SGMS1: variants seen among roughly 807,000 people sequenced by gnomAD.
The protein encoded by SGMS1 is sphingomyelin synthase 1.
SGMS1 carries 13 observed loss-of-function variants against 46.2 expected under a neutral mutation model. The ratio of observed to expected loss-of-function variants is 0.28; its 90% CI spans 0.18 to 0.45. SGMS1 has a LOEUF of 0.45. Ranked by LOEUF, SGMS1 falls within the 20% of genes least tolerant of loss-of-function variation. The probability of loss-of-function intolerance (pLI) is 1.00; values close to 1 mark genes in which losing one functional copy is unlikely to be tolerated. For missense variants in SGMS1, 324 were observed against 519.9 expected, an observed-to-expected ratio of 0.62 and a Z score of 3.66; for synonymous variants, 203 against 187.8, an observed-to-expected ratio of 1.08 and a Z score of -0.66.
chr10:50,572,536 G>A (rs755305638), intron 2 of SGMS1, among the ~76,000 whole-genome samples: 1 of 152,096 alleles, frequency 6.6e-6, no homozygotes, highest in Non-Finnish European at 1.5e-5. Context: ...AGAGAGAGAG[G>A]AGAGGGGTGA....
chr10:50,424,742 A>G (rs1588812706), intron 6 of SGMS1, among the ~76,000 whole-genome samples: 1 of 152,114 alleles, frequency 6.6e-6, no homozygotes, highest in African/African-American at 2.4e-5. Flanking sequence ...AGGAACATGA[A>G]CAGACACTTC....
chr10:50,458,339 C>CTCTTTTTTT (rs1486288081), intron 5 of SGMS1, among the ~76,000 whole-genome samples: 5 of 97,140 alleles, frequency 5.1e-5, no homozygotes, highest in Admixed American at 1.2e-4. Flanking sequence ...TTCTTTTTCT[C>CTCTTTTTTT]TTTTTTTTTT....
intron 1 of SGMS1, among the ~76,000 whole-genome samples, chr10:50,618,495 G>T (rs1358847115): frequency 6.6e-6 from 1 of 151,896 alleles, no homozygotes; most frequent in Non-Finnish European, 1.5e-5. Flanking sequence ...GCTAGTCAAA[G>T]AAATTATAAT....
At chr10:50,430,470 C>CAA (rs10625082) in intron 6 of SGMS1, among the ~76,000 whole-genome samples, 46,279 of 136,076 alleles carry the variant, frequency 0.34, 8,185 homozygotes, top group Non-Finnish European at 0.38. Context: ...TGGCAGAATA[C>CAA]AAAAAAAAAA....
At position 50,366,420 on chromosome 10, in the gene SGMS1, A is replaced by G. The variant is rs1848345340; in HGVS notation, c.-231-22075T>C. 2.6e-5 allele frequency among the ~76,000 whole-genome samples: 4 copies of G among 152,172 alleles called. No homozygotes were observed. In the South Asian group the frequency reaches 8.3e-4, roughly 32 times the overall value. ...ATTCCTCAAGGATCTAGAACTAGAA[A>G]TGCCATTTGACCCAGCAATCCCATT... On this transcript the variant is annotated intron_variant, in intron 6 of 10. Coordinates refer to ENST00000361781, the MANE Select transcript of SGMS1 (RefSeq NM_147156.4).
intron 2 of SGMS1, among the ~76,000 whole-genome samples, chr10:50,549,049 TCC>T (rs1408346188): frequency 6.6e-6 from 1 of 152,022 alleles, no homozygotes; most frequent in Non-Finnish European, 1.5e-5. Context: ...AAACAACAGA[TCC>T]TGGCAAGGCT....
intron 8 of SGMS1, among the ~76,000 whole-genome samples, chr10:50,322,780 C>T (rs563510697): frequency 5.0e-4 from 71 of 142,558 alleles, no homozygotes; most frequent in Admixed American, 4.4e-3. Flanking sequence ...TGCAGTGAGC[C>T]GAGATTGCGC....
intron 5 of SGMS1, among the ~76,000 whole-genome samples, chr10:50,436,607 C>G (rs1320418194): frequency 6.6e-6 from 1 of 152,142 alleles, no homozygotes; most frequent in Non-Finnish European, 1.5e-5. Flanking sequence ...AATCGTGCTT[C>G]AAATACAATG....
chr10:50,605,231 C>T (rs968628429), intron 1 of SGMS1, among the ~76,000 whole-genome samples: 2 of 152,146 alleles, frequency 1.3e-5, no homozygotes, highest in Non-Finnish European at 2.9e-5. Context: ...GGAAAAAATA[C>T]AAATTAAAAT....
At chr10:50,605,576 CTGAAGTATTG>C (rs1838687492) in intron 1 of SGMS1, among the ~76,000 whole-genome samples, 1 of 152,200 alleles carries the variant, frequency 6.6e-6, no homozygotes, top group African/African-American at 2.4e-5. Flanking sequence ...TGAGACTGCT[CTGAAGTATTG>C]TGAAACCACA....
chr10:50,610,604 C>G (rs1838740977), intron 1 of SGMS1, among the ~76,000 whole-genome samples: 1 of 152,122 alleles, frequency 6.6e-6, no homozygotes, highest in Admixed American at 6.5e-5. Flanking sequence ...GGAACACTGC[C>G]CAGCCAACTG....
intron 6 of SGMS1, among the ~76,000 whole-genome samples, chr10:50,423,435 T>C (rs1588811571): frequency 6.6e-6 from 1 of 152,174 alleles, no homozygotes; most frequent in Non-Finnish European, 1.5e-5. Flanking sequence ...GACCACCTGG[T>C]TGGATTGGTG....
chr10:50,371,579 T>C lies in SGMS1; in HGVS notation c.-231-27234A>G, dbSNP rs188048118. ...TACTTCAATTACTTTGGACTACTTG[T>C]AGTTCCTACCTCACAGACTTTGAAC... On this transcript the variant is annotated intron_variant, in intron 6 of 10. Transcript: ENST00000361781. Among the ~76,000 whole-genome samples, 67 of 152,332 alleles carry C rather than the reference T, an allele frequency of 4.4e-4. No homozygotes were observed. The East Asian group carries it at 0.013, about 29-fold the overall frequency.
chr10:50,406,613 T>G (rs1055039321), intron 6 of SGMS1, among the ~76,000 whole-genome samples: 10 of 152,202 alleles, frequency 6.6e-5, no homozygotes, highest in African/African-American at 2.2e-4. Flanking sequence ...GAGTAGTAGA[T>G]GCTACCTATA....
intron 6 of SGMS1, among the ~76,000 whole-genome samples, 181 bp downstream of exon 6, chr10:50,433,295 C>T (rs532100363): frequency 1.6e-4 from 25 of 152,256 alleles, no homozygotes; most frequent in African/African-American, 5.3e-4. Flanking sequence ...GAAAGAAGTA[C>T]GCAAAATAAG....
chr10:50,624,370 C>T (rs898526844), upstream of SGMS1, among the ~76,000 whole-genome samples: 1 of 152,178 alleles, frequency 6.6e-6, no homozygotes, highest in African/African-American at 2.4e-5. Flanking sequence ...TTTTTCCCAC[C>T]AAGCCCAAGG....
chr10:50,327,565 A>G (rs1847551368), intron 7 of SGMS1, among the ~76,000 whole-genome samples: 1 of 152,216 alleles, frequency 6.6e-6, no homozygotes, highest in Admixed American at 6.5e-5. Flanking sequence ...ATTGCTATTA[A>G]TTAGGCTTCA....
intron 2 of SGMS1, among the ~76,000 whole-genome samples, chr10:50,575,427 C>A (rs1025627144): frequency 6.6e-6 from 1 of 152,066 alleles, no homozygotes; most frequent in Non-Finnish European, 1.5e-5. Flanking sequence ...TGGTGCACAC[C>A]TGTAGTTACT....
At chr10:50,413,826 T>G (rs1849132969) in intron 6 of SGMS1, among the ~76,000 whole-genome samples, 1 of 152,244 alleles carries the variant, frequency 6.6e-6, no homozygotes, top group Non-Finnish European at 1.5e-5. Flanking sequence ...AAACCTAGTT[T>G]AGTGAAGATT....
Sources: gnomAD v4.1 joint callset for allele counts (sites outside exome capture counted in the v4.1 genomes callset) on GRCh38, gnomAD v4.1.1 for gene constraint, MANE v1.5 for transcripts, NCBI Gene and HGNC (gene_info 2026-07-23, HGNC 2026-07-21) for gene names.